KIF18A: variants seen among roughly 807,000 people sequenced by gnomAD.
KIF18A encodes kinesin family member 18A, also known as kinesin-like protein KIF18A.
Under a neutral mutation model 103.3 loss-of-function variants are expected in KIF18A, and 67 were observed. The observed-to-expected ratio is 0.65, with a 90% CI of 0.53 to 0.79. KIF18A has a LOEUF of 0.79. KIF18A is among the 30% of genes least tolerant of loss of function. KIF18A has a pLI of 0.00. For missense variants in KIF18A, 1,032 were observed against 1,062.5 expected (o/e 0.97, Z 0.40); for synonymous variants, 367 against 355.5 (o/e 1.03, Z -0.36).
At chr11:28,079,169 A>G (rs1382821278) in intron 9 of KIF18A, among the ~76,000 whole-genome samples, 3 of 152,010 alleles carry the variant, frequency 2.0e-5, no homozygotes, top group Non-Finnish European at 2.9e-5. Flanking sequence ...AAAGCCATCA[A>G]CTCCAGAAAA....
At chr11:28,037,361 A>C (rs1393233993) in intron 13 of KIF18A, among the ~76,000 whole-genome samples, 1 of 151,554 alleles carries the variant, frequency 6.6e-6, no homozygotes, top group African/African-American at 2.4e-5. Context: ...AATATTCACA[A>C]AACAAACAAA....
intron 5 of KIF18A, among the ~76,000 whole-genome samples, 178 bp from the exon 6 acceptor site, chr11:28,088,899 A>G (rs563470757): frequency 6.6e-6 from 1 of 152,242 alleles, no homozygotes. Context: ...GCTGAGAAAA[A>G]TATAAAAATG....
At chr11:28,094,551 T>C (rs1322129459) in intron 3 of KIF18A, 92 bp downstream of exon 3, 2 of 842,748 alleles carry the variant, frequency 2.4e-6, no homozygotes, top group African/African-American at 3.5e-5. Flanking sequence ...ATTTTATATA[T>C]TCACCGGAAA....
intron 1 of KIF18A, among the ~76,000 whole-genome samples, chr11:28,100,347 C>T (rs767356079): frequency 4.6e-5 from 7 of 151,864 alleles, no homozygotes; most frequent in Admixed American, 3.9e-4. Context: ...TTCGGGAAAT[C>T]CTAAATGAAG....
At chr11:28,096,660 C>A (rs1267309163) in intron 2 of KIF18A, among the ~76,000 whole-genome samples, 1 of 152,070 alleles carries the variant, frequency 6.6e-6, no homozygotes, top group Non-Finnish European at 1.5e-5. Flanking sequence ...AATCAATAAA[C>A]CACACTCCAT....
intron 16 of KIF18A, among the ~76,000 whole-genome samples, chr11:28,022,694 A>C (rs756722792): frequency 6.6e-6 from 1 of 152,196 alleles, no homozygotes; most frequent in Non-Finnish European, 1.5e-5. Context: ...AGCATTATTA[A>C]ATACAACATG....
chr11:28,065,002 T>C (rs943294100), intron 11 of KIF18A, among the ~76,000 whole-genome samples: 9 of 152,052 alleles, frequency 5.9e-5, no homozygotes, highest in Admixed American at 5.9e-4. Flanking sequence ...CTTGCTTTGG[T>C]TGCAGTGGAG....
rs564515018 is a variant in KIF18A, at chr11:28,083,359, A to G, written c.1075-116T>C. On this transcript the variant is annotated intron_variant, in intron 7 of 16. Coordinates refer to ENST00000263181, the MANE Select transcript of KIF18A (RefSeq NM_031217.4). ...GTTCCATGAATTCAGAATTTGTGAT[A>G]ATTATGCTCACATTTAAAATCTATG... 288 of 1,124,220 alleles carry G rather than the reference A, an allele frequency of 2.6e-4. 1 individual carries two copies. The highest frequency in any genetic ancestry group is 9.9e-4 in the South Asian group (48 of 48,716). The allele number at this position is 1,124,220 out of a possible 1,614,324, so 69.6% of individuals were successfully genotyped here.
intron 13 of KIF18A, among the ~76,000 whole-genome samples, chr11:28,054,212 ATT>A (rs869284032): frequency 8.3e-5 from 12 of 143,872 alleles, no homozygotes; most frequent in Admixed American, 7.0e-5. Context: ...ATCTCATCAG[ATT>A]TTTTTTTTTT....
chr11:28,105,574 T>TA (rs774184637), intron 1 of KIF18A, among the ~76,000 whole-genome samples: 4 of 152,266 alleles, frequency 2.6e-5, no homozygotes, highest in Non-Finnish European at 4.4e-5. Context: ...TCTTATAACT[T>TA]AAAGTGTACC....
At chr11:28,066,409 T>C (rs1023474994) in intron 11 of KIF18A, among the ~76,000 whole-genome samples, 3 of 152,026 alleles carry the variant, frequency 2.0e-5, no homozygotes, top group African/African-American at 7.2e-5. Context: ...ATAGAGCCTG[T>C]TGCATTCTAT....
chr11:28,088,117 C>A (rs887884295), intron 6 of KIF18A, among the ~76,000 whole-genome samples: 2 of 151,636 alleles, frequency 1.3e-5, no homozygotes, highest in African/African-American at 4.9e-5. Flanking sequence ...AATACTTAAC[C>A]CTATTTTATA....
intron 10 of KIF18A, among the ~76,000 whole-genome samples, chr11:28,073,464 C>T (rs1851048819): frequency 1.3e-5 from 2 of 152,084 alleles, no homozygotes; most frequent in African/African-American, 4.8e-5. Context: ...TAGAATATAG[C>T]AGAGTGATTA....
Position 28,062,403 on chromosome 11 carries a change from C to G in KIF18A, c.1704G>C (p.Gln568His), listed in dbSNP as rs1219372192. Reference protein sequence around the residue: ...LACLQEQQHRQTEAVLNALLP... With the variant: ...LACLQEQQHRHTEAVLNALLP... ...TAAATGTATGTACTCACGCTTCAGTCTGCCTGTGTTGCTGTTCCTGAAGAC... is the reference window on the plus strand; with the variant it reads ...TAAATGTATGTACTCACGCTTCAGTGTGCCTGTGTTGCTGTTCCTGAAGAC... The change falls in exon 12 of 17, where the codon CAG (glutamine) becomes CAC (histidine). Residue 568 changes from glutamine (Q) to histidine (H), a missense_variant. Physicochemically the swap from Gln to His is conservative, Grantham distance 24 (BLOSUM62 0). Coordinates refer to ENST00000263181, the MANE Select transcript of KIF18A (RefSeq NM_031217.4). 6.2e-7 allele frequency: 1 copy of G among 1,607,338 alleles called. No individual in the cohort carries two copies. The highest frequency in any genetic ancestry group is 1.1e-5 in the South Asian group (1 of 89,852).
intron 11 of KIF18A, among the ~76,000 whole-genome samples, chr11:28,062,916 A>G (rs1050739744): frequency 6.6e-6 from 1 of 152,060 alleles, no homozygotes; most frequent in African/African-American, 2.4e-5. Flanking sequence ...CATTTACTCT[A>G]TTGATGAGTA....
chr11:28,092,365 A>G lies in KIF18A; in HGVS notation c.484-852T>C, dbSNP rs543348786. Among the ~76,000 whole-genome samples, 340 of 152,314 alleles carry G rather than the reference A, an allele frequency of 2.2e-3. 4 individuals carry two copies. Among genetic ancestry groups the G allele is most frequent in the African/African-American group, 7.9e-3 (330 of 41,570 alleles). On this transcript the variant is annotated intron_variant, in intron 3 of 16. Coordinates refer to ENST00000263181, the MANE Select transcript of KIF18A (RefSeq NM_031217.4). ...CATATAATTACTAATAATAAATTTC[A>G]AAAGGAGACCCATTTGAATGATGAG...
At chr11:28,088,843 G>A in intron 5 of KIF18A, 122 bp from the exon 6 acceptor site, 1 of 734,600 alleles carries the variant, frequency 1.4e-6, no homozygotes, top group South Asian at 1.8e-5. Context: ...AACTGAACAA[G>A]GTATAATCTA....
At chr11:28,048,893 A>T (rs1001019713) in intron 13 of KIF18A, among the ~76,000 whole-genome samples, 1 of 152,098 alleles carries the variant, frequency 6.6e-6, no homozygotes, top group South Asian at 2.1e-4. Flanking sequence ...AAAAGCTTGG[A>T]AATTGCAGAG....
chr11:28,074,730 T>C (rs1479517117), intron 10 of KIF18A, among the ~76,000 whole-genome samples: 1 of 152,084 alleles, frequency 6.6e-6, no homozygotes, highest in Admixed American at 6.6e-5. Context: ...ATGCAAAATT[T>C]TTCTATATAA....
Sources: gnomAD v4.1 joint callset for allele counts (sites outside exome capture counted in the v4.1 genomes callset) on GRCh38, gnomAD v4.1.1 for gene constraint, MANE v1.5 for transcripts, NCBI Gene and HGNC (gene_info 2026-07-23, HGNC 2026-07-21) for gene names.